The following ZFAT variants were observed in gnomAD, a reference collection of about 807,000 sequenced individuals.
The protein encoded by ZFAT is zinc finger protein ZFAT.
ZFAT carries 64 observed loss-of-function variants against 117.7 expected under a neutral mutation model. The ratio of observed to expected loss-of-function variants is 0.54; its 90% CI spans 0.44 to 0.67. ZFAT has a LOEUF of 0.67. Among genes scored for constraint, ZFAT ranks in the 30% least tolerant of loss-of-function variants. The pLI, the probability that ZFAT is intolerant of heterozygous loss-of-function variation, is 0.00. For missense variants in ZFAT, 1,433 were observed against 1,584.5 expected (o/e 0.90, Z 1.62); for synonymous variants, 679 against 615.0 (o/e 1.10, Z -1.54).
the ZFAT span, among the ~76,000 whole-genome samples, chr8:134,741,585 A>G: frequency 6.6e-6 from 1 of 152,008 alleles, no homozygotes; most frequent in Non-Finnish European, 1.5e-5. Context: ...ACTTTTTCCC[A>G]TGTCTCTGTT....
At chr8:134,714,273 C>A (rs1480742554), upstream of ZFAT, among the ~76,000 whole-genome samples, 1 of 152,132 alleles carries the variant, frequency 6.6e-6, no homozygotes, top group African/African-American at 2.4e-5. Flanking sequence ...TCTCGGACAG[C>A]CCTGAAGTTC....
At chr8:134,764,222 G>A in the ZFAT span, among the ~76,000 whole-genome samples, 3 of 152,176 alleles carry the variant, frequency 2.0e-5, no homozygotes, top group Non-Finnish European at 4.4e-5. Context: ...TCTTTTTCTT[G>A]CCAGGTAATT....
intron 2 of ZFAT, among the ~76,000 whole-genome samples, chr8:134,640,636 G>C (rs1245223746): frequency 6.6e-6 from 1 of 152,158 alleles, no homozygotes; most frequent in Non-Finnish European, 1.5e-5. Context: ...GATGAGCAAT[G>C]CACAATTAAT....
rs761190278 is a variant in ZFAT at position 134,709,073 on chromosome 8, G to A, written c.19+3772C>T. Among the ~76,000 whole-genome samples the A allele has an allele frequency of 5.9e-5, 9 of 152,128 alleles. 1 individual carries two copies. Among genetic ancestry groups the A allele is most frequent in the Admixed American group, 2.6e-4 (4 of 15,260 alleles). ...AGGCCGAGGCCAGTGGATCTCTTAG[G>A]CTGAGTTCAATACCAGCCTGGTCAA... is the stretch of plus-strand genomic sequence containing the variant. On this transcript the variant is annotated intron_variant, in intron 1 of 15. Coordinates refer to ENST00000377838, the MANE Select transcript of ZFAT (RefSeq NM_020863.4).
chr8:134,639,003 T>C (rs965006170), intron 2 of ZFAT, among the ~76,000 whole-genome samples: 3 of 152,182 alleles, frequency 2.0e-5, no homozygotes, highest in African/African-American at 4.8e-5. Flanking sequence ...CGTGCATCTG[T>C]AGAATGTCTC....
intron 2 of ZFAT, among the ~76,000 whole-genome samples, chr8:134,651,872 A>T (rs1165084001): frequency 6.6e-6 from 1 of 152,130 alleles, no homozygotes; most frequent in Non-Finnish European, 1.5e-5. Context: ...AAACAAAGAG[A>T]CTAGGGAATT....
intron 7 of ZFAT, among the ~76,000 whole-genome samples, chr8:134,593,450 A>T (rs1213646566): frequency 4.6e-5 from 7 of 152,116 alleles, no homozygotes; most frequent in Non-Finnish European, 4.4e-5. Flanking sequence ...CAGCAAACTT[A>T]AAAAGAGTGG....
At chr8:134,482,307 A>C (rs1563757042) in intron 15 of ZFAT, among the ~76,000 whole-genome samples, 1 of 152,210 alleles carries the variant, frequency 6.6e-6, no homozygotes, top group East Asian at 1.9e-4. Flanking sequence ...GCTGTGCAAA[A>C]GTCACAGGAG....
At chr8:134,649,190 C>CACACAG (rs1831082231) in intron 2 of ZFAT, among the ~76,000 whole-genome samples, 1 of 151,272 alleles carries the variant, frequency 6.6e-6, no homozygotes, top group Non-Finnish European at 1.5e-5. Flanking sequence ...CACACACACA[C>CACACAG]ACACACACAC....
chr8:134,581,757 T>G (rs1363661270), intron 10 of ZFAT, among the ~76,000 whole-genome samples: 1 of 152,188 alleles, frequency 6.6e-6, no homozygotes. Flanking sequence ...GTTAATTTTT[T>G]GTATTTTTGG....
chr8:134,640,284 G>A (rs143070394), intron 2 of ZFAT, among the ~76,000 whole-genome samples: 43 of 152,324 alleles, frequency 2.8e-4, no homozygotes, highest in African/African-American at 7.5e-4. Context: ...AAGTAAAGGT[G>A]GTCCAGGAGA....
At chr8:134,781,200 A>C in the ZFAT span, among the ~76,000 whole-genome samples, 5 of 152,092 alleles carry the variant, frequency 3.3e-5, no homozygotes, top group African/African-American at 1.2e-4. Flanking sequence ...ACTGTGGCTC[A>C]CTGCAGTCTC....
At chr8:134,679,957 G>T (rs138417735) in intron 1 of ZFAT, among the ~76,000 whole-genome samples, 2,138 of 151,858 alleles carry the variant, frequency 0.014, 69 homozygotes, top group African/African-American at 0.049. Context: ...GGTTGGGGAG[G>T]GGGAGGGATA....
chr8:134,532,980 G>A lies in ZFAT; in HGVS notation c.2977-8C>T. The A allele has an allele frequency of 6.3e-7, 1 of 1,595,806 alleles. No individual in the cohort carries two copies. Among genetic ancestry groups the A allele is most frequent in the African/African-American group, 1.3e-5 (1 of 74,784 alleles). On this transcript the variant is annotated splice_region_variant and splice_polypyrimidine_tract_variant and intron_variant, in intron 11 of 15. Transcript: ENST00000377838. The stretch of plus-strand genomic sequence containing the variant: ...ATGGGCACAGCGGAAAGGCTGCGGG[G>A]ACAATGAGGAGGGGTTAGGAAAGGT...
chr8:134,575,248 C>T (rs1825213111), intron 10 of ZFAT, among the ~76,000 whole-genome samples: 1 of 152,182 alleles, frequency 6.6e-6, no homozygotes, highest in African/African-American at 2.4e-5. Context: ...AAGGAGTTTG[C>T]AGATGTGATT....
upstream of ZFAT, among the ~76,000 whole-genome samples, chr8:134,717,876 G>C (rs112318830): frequency 2.0e-4 from 30 of 152,120 alleles, no homozygotes; most frequent in African/African-American, 7.2e-4. Context: ...TGTATTTTTA[G>C]TAGAGAAGGA....
chr8:134,529,793 T>C (rs141186537), intron 12 of ZFAT, among the ~76,000 whole-genome samples: 165 of 152,292 alleles, frequency 1.1e-3, no homozygotes, highest in African/African-American at 3.8e-3. Context: ...ACTACAGAAA[T>C]TGGCAAATTC....
chr8:134,520,663 T>A (rs1237472416), intron 13 of ZFAT, among the ~76,000 whole-genome samples: 1 of 151,792 alleles, frequency 6.6e-6, no homozygotes, highest in African/African-American at 2.4e-5. Flanking sequence ...CACAAGAGAG[T>A]CTAAATTCAA....
intron 1 of ZFAT, among the ~76,000 whole-genome samples, chr8:134,664,648 G>A (rs16905215): frequency 0.33 from 50,578 of 152,124 alleles, 8,948 homozygotes; most frequent in South Asian, 0.43. Flanking sequence ...CAGAGAGGGC[G>A]CCGGGTCAGG....
Sources: allele counts gnomAD v4.1 joint callset (sites outside exome capture counted in the v4.1 genomes callset), GRCh38; gene constraint gnomAD v4.1.1; transcripts MANE v1.5; gene names NCBI Gene and HGNC (gene_info 2026-07-23, HGNC 2026-07-21).